Variants in SESN1 observed in about 807,000 individuals in gnomAD.
SESN1 encodes sestrin-1.
SESN1 carries 30 observed loss-of-function variants against 59.3 expected under a neutral mutation model. That is an observed-to-expected ratio of 0.51 (90% confidence interval 0.38 to 0.69). The LOEUF is 0.69. Among genes scored for constraint, SESN1 ranks in the 30% least tolerant of loss-of-function variants. SESN1 has a pLI of 0.00. For missense variants in SESN1, 566 were observed against 673.0 expected, an observed-to-expected ratio of 0.84 and a Z score of 1.76; for synonymous variants, 197 against 219.9, an observed-to-expected ratio of 0.90 and a Z score of 0.92.
At chr6:109,013,762 TTTA>T (rs1779894226) in intron 1 of SESN1, among the ~76,000 whole-genome samples, 1 of 152,230 alleles carries the variant, frequency 6.6e-6, no homozygotes, top group African/African-American at 2.4e-5. Flanking sequence ...ATTTATGTGG[TTTA>T]AGCATTCTTG....
chr6:109,016,532 A>T (rs1341022607), intron 1 of SESN1, among the ~76,000 whole-genome samples: 1 of 152,152 alleles, frequency 6.6e-6, no homozygotes, highest in Non-Finnish European at 1.5e-5. Context: ...CCAAATCTGG[A>T]GACTACTTGT....
At chr6:108,990,011 T>C (rs923566012) in intron 8 of SESN1, among the ~76,000 whole-genome samples, 9 of 152,314 alleles carry the variant, frequency 5.9e-5, no homozygotes, top group Middle Eastern at 3.4e-3. Context: ...GTAGATTAAA[T>C]AGGGTTTGTA....
intron 1 of SESN1, among the ~76,000 whole-genome samples, chr6:109,085,181 C>T (rs1781192511): frequency 6.6e-6 from 1 of 151,486 alleles, no homozygotes; most frequent in Non-Finnish European, 1.5e-5. Context: ...GACTATCTAG[C>T]TAAGGATTTC....
At chr6:109,061,306 A>T (rs904870693) in intron 1 of SESN1, among the ~76,000 whole-genome samples, 1 of 152,144 alleles carries the variant, frequency 6.6e-6, no homozygotes. Flanking sequence ...TGACCAAAAA[A>T]TTTTTTTCAA....
intron 1 of SESN1, among the ~76,000 whole-genome samples, chr6:109,017,525 T>C (rs1282546523): frequency 6.6e-6 from 1 of 152,148 alleles, no homozygotes; most frequent in Admixed American, 6.6e-5. Flanking sequence ...CACCTCGTGA[T>C]CCGCCTGCCT....
chr6:108,998,508 C>CT lies in SESN1; in HGVS notation c.972+4dup. ...TATGACAATCTCATGACAAATAATA[C>CT]TTACAGAAACATTTTCTGCTGAGTT... is the stretch of plus-strand genomic sequence containing the variant. On this transcript the variant is annotated splice_donor_region_variant and intron_variant, in intron 5 of 9. Coordinates refer to ENST00000436639, the MANE Select transcript of SESN1 (RefSeq NM_014454.3). 6.2e-7 allele frequency: 1 copy of CT among 1,613,390 alleles called. No homozygotes were observed. The highest frequency in any genetic ancestry group is 8.5e-7 in the Non-Finnish European group (1 of 1,179,494).
chr6:109,028,857 TA>T (rs1780138232), intron 1 of SESN1, among the ~76,000 whole-genome samples: 2 of 152,110 alleles, frequency 1.3e-5, no homozygotes, highest in African/African-American at 2.4e-5. Context: ...AACTTTCCAA[TA>T]AATCTGCAGC....
intron 1 of SESN1, among the ~76,000 whole-genome samples, chr6:109,043,953 T>C (rs1780380635): frequency 6.6e-6 from 1 of 152,154 alleles, no homozygotes; most frequent in Non-Finnish European, 1.5e-5. Context: ...AAAGGACAGA[T>C]ACACATATCA....
chr6:109,008,548 G>A (rs1046270732), intron 1 of SESN1, among the ~76,000 whole-genome samples: 2 of 152,034 alleles, frequency 1.3e-5, no homozygotes, highest in African/African-American at 4.8e-5. Context: ...AAGAAATCAC[G>A]AAACCACGTC....
chr6:109,063,666 T>C (rs1199598774), intron 1 of SESN1, among the ~76,000 whole-genome samples: 2 of 152,194 alleles, frequency 1.3e-5, no homozygotes, highest in Admixed American at 1.3e-4. Flanking sequence ...GCTGATCCTT[T>C]TGCTTTTAAG....
intron 1 of SESN1, among the ~76,000 whole-genome samples, chr6:109,039,691 G>A (rs568580971): frequency 7.9e-5 from 12 of 152,340 alleles, no homozygotes; most frequent in African/African-American, 2.9e-4. Flanking sequence ...CCCAAATGGC[G>A]AAATGAGTTA....
chr6:109,036,036 A>G (rs765309452), intron 1 of SESN1, among the ~76,000 whole-genome samples: 21 of 151,620 alleles, frequency 1.4e-4, no homozygotes, highest in Non-Finnish European at 2.5e-4. Context: ...AACCCTCAAG[A>G]CTCCCCACCA....
chr6:109,062,949 A>G (rs918898811), intron 1 of SESN1, among the ~76,000 whole-genome samples: 1 of 152,204 alleles, frequency 6.6e-6, no homozygotes, highest in African/African-American at 2.4e-5. Context: ...AAGTGAAACC[A>G]TAGATAAGGT....
At chr6:109,035,727 A>G (rs949721476) in intron 1 of SESN1, among the ~76,000 whole-genome samples, 11 of 152,080 alleles carry the variant, frequency 7.2e-5, no homozygotes, top group African/African-American at 2.7e-4. Flanking sequence ...TAGCCTCCCC[A>G]GTAGCTGGGA....
intron 1 of SESN1, among the ~76,000 whole-genome samples, chr6:109,006,456 A>ACCC (rs1779735013): frequency 1.5e-5 from 1 of 68,732 alleles, no homozygotes; most frequent in Admixed American, 1.9e-4. Context: ...CCCACCCCCT[A>ACCC]CCCCACGACA....
At chr6:109,042,146 T>C (rs1482029671) in intron 1 of SESN1, among the ~76,000 whole-genome samples, 1 of 152,028 alleles carries the variant, frequency 6.6e-6, no homozygotes, top group East Asian at 1.9e-4. Flanking sequence ...TTAAAAAATA[T>C]ATTGAATAGG....
chr6:109,004,839 A>T (rs1364605527), intron 1 of SESN1, among the ~76,000 whole-genome samples: 1 of 152,228 alleles, frequency 6.6e-6, no homozygotes, highest in South Asian at 2.1e-4. Flanking sequence ...ATGCTGAGAT[A>T]CTGTCTTCCT....
At chr6:109,039,098 G>GGGAGGAGAAGGAGAAGGAA (rs1271246549) in intron 1 of SESN1, among the ~76,000 whole-genome samples, 12 of 148,884 alleles carry the variant, frequency 8.1e-5, no homozygotes, top group African/African-American at 3.0e-4. Context: ...AGGAGAAGGA[G>GGGAGGAGAAGGAGAAGGAA]GGAGGAGAAG....
At chr6:109,009,539 C>T in intron 1 of SESN1, 1 of 1,136,422 alleles carries the variant, frequency 8.8e-7, no homozygotes, top group Non-Finnish European at 1.1e-6. Context: ...TGCAGCGCCT[C>T]AGTCAGCACG....
Sources: allele counts gnomAD v4.1 joint callset (sites outside exome capture counted in the v4.1 genomes callset), GRCh38; gene constraint gnomAD v4.1.1; transcripts MANE v1.5; gene names NCBI Gene and HGNC (gene_info 2026-07-23, HGNC 2026-07-21).